Variants in CENPQ observed in about 807,000 individuals in gnomAD.
CENPQ encodes the protein chromosome 6 open reading frame 139.
CENPQ carries 27 observed loss-of-function variants against 36.6 expected under a neutral mutation model. The ratio of observed to expected loss-of-function variants is 0.74; its 90% confidence interval spans 0.54 to 1.02. The LOEUF (loss-of-function observed/expected upper bound fraction) is 1.02, where lower values mean the gene tolerates loss of function less well. CENPQ is among the 50% of genes least tolerant of loss of function. The probability of loss-of-function intolerance (pLI) is 0.00; values close to 1 mark genes in which losing one functional copy is unlikely to be tolerated. For synonymous variants in CENPQ, 101 were observed against 101.7 expected (o/e 0.99, Z 0.04); for missense variants, 306 against 301.8 (o/e 1.01, Z -0.10).
At chr6:49,487,091 T>C (rs1259404179) in intron 6 of CENPQ, among the ~76,000 whole-genome samples, 1 of 2,816 alleles carries the variant, frequency 3.6e-4, no homozygotes, top group Non-Finnish European at 6.8e-4. Context: ...AGGCAGAGGT[T>C]GCAGTGAGCC....
In CENPQ at chr6:49,492,512, T is replaced by C. The variant is rs1768748420; in HGVS notation, c.*237T>C. ...ACATTTATATTGCTGTATCTATAAGTATTTGCCTAAAACCATAAAATAGGA... is the reference window on the plus strand; with the variant it reads ...ACATTTATATTGCTGTATCTATAAGCATTTGCCTAAAACCATAAAATAGGA... On this transcript the variant is annotated 3_prime_UTR_variant, in exon 9 of 9. Transcript: ENST00000335783. 1 of 359,594 alleles carries C rather than the reference T, an allele frequency of 2.8e-6. No individual in the cohort carries two copies. The highest frequency in any genetic ancestry group is 4.9e-6 in the Non-Finnish European group (1 of 203,592). 22.3% of individuals were successfully genotyped at this position (359,594 alleles called of 1,614,324 possible).
chr6:49,471,086 C>T (rs761499730), intron 3 of CENPQ, 58 bp downstream of exon 3: 20 of 1,040,024 alleles, frequency 1.9e-5, no homozygotes, highest in Middle Eastern at 4.4e-4. Flanking sequence ...TATCTACATT[C>T]GTGAAAAAAT....
At chr6:49,465,065 G>T (rs1767969313) in intron 1 of CENPQ, among the ~76,000 whole-genome samples, 1 of 152,206 alleles carries the variant, frequency 6.6e-6, no homozygotes, top group Non-Finnish European at 1.5e-5. Flanking sequence ...AATATAACTT[G>T]AAAGTCAAAA....
At chr6:49,488,322 T>C (rs1247507347) in intron 6 of CENPQ, 30 bp from the exon 7 acceptor site, 3 of 1,535,232 alleles carry the variant, frequency 2.0e-6, no homozygotes, top group Non-Finnish European at 2.7e-6. Context: ...GTGTTTAAGT[T>C]AAAATGTTTT....
At chr6:49,489,290 A>G (rs181524992) in intron 8 of CENPQ, among the ~76,000 whole-genome samples, 3 of 152,306 alleles carry the variant, frequency 2.0e-5, no homozygotes, top group Admixed American at 2.0e-4. Flanking sequence ...TCATGAATAG[A>G]TTCCATCTCA....
chr6:49,473,764 C>T (rs1027230265), intron 5 of CENPQ, among the ~76,000 whole-genome samples: 39 of 152,146 alleles, frequency 2.6e-4, no homozygotes, highest in Admixed American at 3.3e-4. Context: ...GTGCTGTATT[C>T]AGGAGACCCA....
At chr6:49,486,218 G>C (rs1315414830) in intron 6 of CENPQ, among the ~76,000 whole-genome samples, 1 of 152,166 alleles carries the variant, frequency 6.6e-6, no homozygotes, top group African/African-American at 2.4e-5. Context: ...AAAAAGACAA[G>C]AAACCATTCT....
chr6:49,488,349 C>T lies in CENPQ; in HGVS notation c.478-3C>T. The T allele has an allele frequency of 6.3e-7, 1 of 1,585,540 alleles. No homozygotes were observed. The highest frequency in any genetic ancestry group is 1.8e-5 in the Admixed American group (1 of 55,116). On this transcript the variant is annotated splice_polypyrimidine_tract_variant and splice_region_variant and intron_variant, in intron 6 of 8. Coordinates refer to ENST00000335783, the MANE Select transcript of CENPQ (RefSeq NM_018132.4). ...AAATGTTTTTTTTCTCTTTCTGACT[C>T]AGGAAGAAATAGATAAAATGGTAGA...
intron 5 of CENPQ, among the ~76,000 whole-genome samples, chr6:49,474,491 C>G (rs1768225020): frequency 6.6e-6 from 1 of 152,050 alleles, no homozygotes; most frequent in Admixed American, 6.5e-5. Flanking sequence ...CACAACATAC[C>G]AGAATCTCTG....
At chr6:49,464,865 G>A (rs1294228168) in intron 1 of CENPQ, among the ~76,000 whole-genome samples, 1 of 152,088 alleles carries the variant, frequency 6.6e-6, no homozygotes, top group Non-Finnish European at 1.5e-5. Flanking sequence ...CATCCATGAG[G>A]GTTGGAATCA....
intron 3 of CENPQ, 104 bp from the exon 4 acceptor site, chr6:49,471,959 T>C: frequency 3.1e-6 from 4 of 1,273,020 alleles, no homozygotes; most frequent in Non-Finnish European, 4.3e-6. Flanking sequence ...TAATATTTTG[T>C]TCTGATAATT....
chr6:49,483,153 A>G (rs1768484945), intron 6 of CENPQ, among the ~76,000 whole-genome samples: 2 of 152,140 alleles, frequency 1.3e-5, no homozygotes, highest in African/African-American at 4.8e-5. Flanking sequence ...CTAGACACAA[A>G]GGTTCTCCAC....
intron 8 of CENPQ, among the ~76,000 whole-genome samples, chr6:49,489,368 G>C (rs1768666295): frequency 6.6e-6 from 1 of 152,134 alleles, no homozygotes; most frequent in Non-Finnish European, 1.5e-5. Context: ...TCATGAGATT[G>C]CAGCAATTCA....
At position 49,481,003 on chromosome 6, in the gene CENPQ, TTAAC is replaced by T. The variant is rs764548324; in HGVS notation, c.404_407del (p.Thr135MetfsTer6). ...AGTCCCTCCCAAAAAGATGGAAGAT[TTAAC>T]TAATGTATCAAGTCTACTGAATATG... On this transcript the variant is annotated frameshift_variant, in exon 6 of 9. Coordinates refer to ENST00000335783, the MANE Select transcript of CENPQ (RefSeq NM_018132.4). LOFTEE classifies it high-confidence loss of function. 9 of 1,609,912 alleles carry T rather than the reference TTAAC, an allele frequency of 5.6e-6. No homozygotes were observed. Among genetic ancestry groups the T allele is most frequent in the Non-Finnish European group, 7.6e-6 (9 of 1,177,428 alleles).
At chr6:49,467,489 T>C (rs1768030590) in intron 1 of CENPQ, among the ~76,000 whole-genome samples, 1 of 152,192 alleles carries the variant, frequency 6.6e-6, no homozygotes, top group African/African-American at 2.4e-5. Context: ...AAAACTGTTC[T>C]GAAAAAAGTC....
chr6:49,463,442 G>A lies in CENPQ; in HGVS notation c.-30G>A, dbSNP rs1450541944. ...AAGCGCGGCTCTCAGAAGGGTGCAA[G>A]AAGAATCAGTGGTGAGTCGTGATAT... is the stretch of plus-strand genomic sequence containing the variant. On this transcript the variant is annotated 5_prime_UTR_variant, in exon 1 of 9. Transcript: ENST00000335783. The A allele has an allele frequency of 6.6e-6, 1 of 152,268 alleles. No homozygotes were observed. Among genetic ancestry groups the A allele is most frequent in the Non-Finnish European group, 1.5e-5 (1 of 68,106 alleles). The allele number at this position is 152,268 out of a possible 1,614,324, so 9.4% of individuals were successfully genotyped here.
chr6:49,468,400 C>T (rs1257209808), intron 1 of CENPQ, among the ~76,000 whole-genome samples: 2 of 151,988 alleles, frequency 1.3e-5, no homozygotes, highest in African/African-American at 4.8e-5. Context: ...CGAGACCGGC[C>T]TGAACAACAT....
intron 4 of CENPQ, 58 bp from the exon 5 acceptor site, chr6:49,472,730 CAA>C (rs1768171800): frequency 3.9e-6 from 5 of 1,291,976 alleles, no homozygotes; most frequent in East Asian, 3.0e-5. Flanking sequence ...AGAAAAAGTA[CAA>C]AGAGTATATG....
chr6:49,470,968 C>T lies in CENPQ; in HGVS notation c.103-6C>T, dbSNP rs757849145. 1.3e-6 allele frequency: 2 copies of T among 1,487,180 alleles called. No individual in the cohort carries two copies. The highest frequency in any genetic ancestry group is 4.0e-5 in the Admixed American group (2 of 50,116). 92.1% of individuals were successfully genotyped at this position (1,487,180 alleles called of 1,614,324 possible). A position where few individuals can be genotyped will look rare whatever the true frequency, so the allele number is the denominator to read the frequency against. The stretch of plus-strand genomic sequence containing the variant: ...TTTATGTTTATGCATGTGTTTTTCC[C>T]TCTAGGTTAGAAACACAGTGAAAAA... On this transcript the variant is annotated splice_polypyrimidine_tract_variant and splice_region_variant and intron_variant, in intron 2 of 8. Coordinates refer to ENST00000335783, the MANE Select transcript of CENPQ (RefSeq NM_018132.4).
Sources: gnomAD v4.1 joint callset for allele counts (sites outside exome capture counted in the v4.1 genomes callset) on GRCh38, gnomAD v4.1.1 for gene constraint, MANE v1.5 for transcripts, NCBI Gene and HGNC (gene_info 2026-07-23, HGNC 2026-07-21) for gene names.